The following NTM variants were observed in gnomAD, a reference collection of about 807,000 sequenced individuals.
NTM encodes the protein IgLON family member 2.
A neutral mutation model predicts 42.1 loss-of-function variants in NTM; 13 were observed. That is an observed-to-expected ratio of 0.31 (90% CI 0.20 to 0.49). The LOEUF is 0.49. Among genes scored for constraint, NTM ranks in the 20% least tolerant of loss-of-function variants. The probability of loss-of-function intolerance (pLI) is 0.99; values close to 1 mark genes in which losing one functional copy is unlikely to be tolerated. For synonymous variants in NTM, 187 were observed against 179.2 expected (o/e 1.04, Z -0.35); for missense variants, 373 against 452.8 (o/e 0.82, Z 1.60).
intron 1 of NTM, among the ~76,000 whole-genome samples, chr11:131,593,550 A>C (rs2059566511): frequency 6.6e-6 from 1 of 152,176 alleles, no homozygotes; most frequent in Non-Finnish European, 1.5e-5. Context: ...CACTGTTCTA[A>C]GTGGATGACA....
intron 2 of NTM, among the ~76,000 whole-genome samples, chr11:132,031,688 A>C (rs2075940893): frequency 1.3e-5 from 2 of 152,204 alleles, no homozygotes; most frequent in African/African-American, 4.8e-5. Flanking sequence ...CTTTGCGTAC[A>C]GATACCAAGT....
At chr11:132,261,964 G>C (rs925214008) in intron 4 of NTM, among the ~76,000 whole-genome samples, 1 of 152,198 alleles carries the variant, frequency 6.6e-6, no homozygotes, top group African/African-American at 2.4e-5. Flanking sequence ...CATTAAGGAG[G>C]CTCCAGCTGG....
chr11:132,077,209 A>C (rs1438493352), intron 2 of NTM, among the ~76,000 whole-genome samples: 2 of 152,218 alleles, frequency 1.3e-5, no homozygotes, highest in Non-Finnish European at 2.9e-5. Flanking sequence ...AAAGACTTAC[A>C]ATTTGGTCTT....
intron 1 of NTM, among the ~76,000 whole-genome samples, chr11:131,822,749 T>C (rs571665288): frequency 9.9e-5 from 15 of 152,144 alleles, no homozygotes; most frequent in Non-Finnish European, 1.9e-4. Flanking sequence ...TGATATTCCA[T>C]AGGATAGGGC....
At chr11:132,239,430 GT>G (rs2089754322) in intron 4 of NTM, among the ~76,000 whole-genome samples, 1 of 152,134 alleles carries the variant, frequency 6.6e-6, no homozygotes, top group Non-Finnish European at 1.5e-5. Context: ...TTTAAAAATG[GT>G]TTATTAGAAA....
chr11:131,410,601 T>C (rs201998772), intron 1 of NTM, among the ~76,000 whole-genome samples: 5 of 151,040 alleles, frequency 3.3e-5, no homozygotes, highest in Non-Finnish European at 7.4e-5. Flanking sequence ...CTCTTCTTCC[T>C]GGGACACTTC....
At chr11:131,880,500 G>C (rs923835286) in intron 1 of NTM, among the ~76,000 whole-genome samples, 2 of 152,232 alleles carry the variant, frequency 1.3e-5, no homozygotes, top group African/African-American at 2.4e-5. Context: ...GAAAGTTTAA[G>C]CTGGGGATTA....
intron 1 of NTM, among the ~76,000 whole-genome samples, chr11:131,869,214 C>T (rs1435695632): frequency 1.3e-5 from 2 of 152,130 alleles, no homozygotes; most frequent in East Asian, 3.9e-4. Flanking sequence ...AGTTTATCTC[C>T]CGGGCCCTCT....
intron 1 of NTM, among the ~76,000 whole-genome samples, chr11:131,566,840 C>A (rs2056943226): frequency 6.6e-6 from 1 of 152,236 alleles, no homozygotes; most frequent in African/African-American, 2.4e-5. Context: ...AGCCTGCAGC[C>A]TCTTGTTTGC....
intron 4 of NTM, among the ~76,000 whole-genome samples, chr11:132,230,479 G>A (rs1185793777): frequency 1.3e-5 from 2 of 152,192 alleles, no homozygotes; most frequent in East Asian, 3.9e-4. Context: ...ATCAGCAGCT[G>A]TCTTTTCTGC....
Position 131,789,636 on chromosome 11 carries a change from A to AAGAAGAAGAAGAAG in NTM, c.83-121927_83-121926insGAAGAAGAAGAAGA, listed in dbSNP as rs1555127950. On this transcript the variant is annotated intron_variant, in intron 1 of 8. Transcript: ENST00000683400. ...AAGAAGAAGAAGAAGAAGAAGAAGA[A>AAGAAGAAGAAGAAG]AAGAAGAAGAAGAAGAAGAAGAAGA... 1.2e-3 allele frequency among the ~76,000 whole-genome samples: 36 copies of AAGAAGAAGAAGAAG among 30,898 alleles called. 10 individuals are homozygous for AAGAAGAAGAAGAAG. The highest frequency in any genetic ancestry group is 4.1e-3 in the African/African-American group (34 of 8,284). The allele number at this position is 30,898 out of a possible 152,430, so 20.3% of individuals were successfully genotyped here. A position where few individuals can be genotyped will look rare whatever the true frequency, so the allele number is the denominator to read the frequency against.
intron 2 of NTM, among the ~76,000 whole-genome samples, chr11:132,111,305 C>T (rs969488157): frequency 6.6e-6 from 1 of 151,228 alleles, no homozygotes; most frequent in Admixed American, 6.6e-5. Flanking sequence ...TTTATATATA[C>T]ATATATATTT....
chr11:131,652,392 A>G (rs1434949295), intron 1 of NTM, among the ~76,000 whole-genome samples: 1 of 152,176 alleles, frequency 6.6e-6, no homozygotes, highest in Non-Finnish European at 1.5e-5. Flanking sequence ...GCCACAAACC[A>G]GAACAAAGCA....
chr11:131,440,911 C>T (rs1203808506), intron 1 of NTM, among the ~76,000 whole-genome samples: 1 of 147,420 alleles, frequency 6.8e-6, no homozygotes, highest in Admixed American at 6.8e-5. Flanking sequence ...GCTTGCTTCT[C>T]CTCCCCAGGC....
At chr11:131,874,065 A>ATATATATATATATATATATC (rs1565659857) in intron 1 of NTM, among the ~76,000 whole-genome samples, 2 of 60,192 alleles carry the variant, frequency 3.3e-5, no homozygotes, top group African/African-American at 8.6e-5. Context: ...ATATATATAT[A>ATATATATATATATATATATC]TATCAGCAAC....
intron 1 of NTM, among the ~76,000 whole-genome samples, chr11:131,379,123 G>C (rs1459149734): frequency 1.3e-5 from 2 of 152,218 alleles, no homozygotes; most frequent in Non-Finnish European, 2.9e-5. Flanking sequence ...TGTTCATACT[G>C]CTGTGCCAGA....
intron 2 of NTM, among the ~76,000 whole-genome samples, chr11:132,005,026 T>C (rs899146411): frequency 6.6e-6 from 1 of 152,196 alleles, no homozygotes; most frequent in African/African-American, 2.4e-5. Flanking sequence ...CTGCAAGTGA[T>C]GTGAAAACGT....
chr11:132,196,861 C>T (rs866395960), intron 3 of NTM, among the ~76,000 whole-genome samples: 3 of 152,088 alleles, frequency 2.0e-5, no homozygotes, highest in Non-Finnish European at 4.4e-5. Flanking sequence ...CATTAATACA[C>T]CAAATTTACC....
At chr11:132,083,814 A>T (rs1355185053) in intron 2 of NTM, among the ~76,000 whole-genome samples, 2 of 152,234 alleles carry the variant, frequency 1.3e-5, no homozygotes, top group African/African-American at 4.8e-5. Flanking sequence ...TTGCCATAAG[A>T]TAAGAATACT....
Sources: gnomAD v4.1 joint callset for allele counts (sites outside exome capture counted in the v4.1 genomes callset) on GRCh38, gnomAD v4.1.1 for gene constraint, MANE v1.5 for transcripts, NCBI Gene and HGNC (gene_info 2026-07-23, HGNC 2026-07-21) for gene names.